ECM2: variants seen among roughly 807,000 people sequenced by gnomAD.
The protein encoded by ECM2 is extracellular matrix protein 2, female organ and adipocyte specific.
ECM2 carries 57 observed loss-of-function variants against 67.5 expected under a neutral mutation model. The ratio of observed to expected loss-of-function variants is 0.84; its 90% CI spans 0.68 to 1.05. The LOEUF is 1.05. Among genes scored for constraint, ECM2 ranks in the 50% least tolerant of loss-of-function variants. The pLI, the probability that ECM2 is intolerant of heterozygous loss-of-function variation, is 0.00. For missense variants in ECM2, 741 were observed against 822.8 expected, an observed-to-expected ratio of 0.90 and a Z score of 1.22; for synonymous variants, 258 against 294.5, an observed-to-expected ratio of 0.88 and a Z score of 1.27.
the ECM2 span, among the ~76,000 whole-genome samples, chr9:92,556,607 CT>C: frequency 6.6e-6 from 1 of 152,222 alleles, no homozygotes; most frequent in African/African-American, 2.4e-5. Flanking sequence ...TCTCTTTTAA[CT>C]GCTATTGCTT....
rs752163626 is a variant in ECM2 at position 92,517,850 on chromosome 9, C to G, written c.318G>C (p.Lys106Asn). The G allele has an allele frequency of 6.2e-7, 1 of 1,614,160 alleles. No homozygotes were observed. The highest frequency in any genetic ancestry group is 1.1e-5 in the South Asian group (1 of 91,066). Reference protein sequence around the residue: ...LPGKKGHCLVKGITMYNKAVW... With the variant: ...LPGKKGHCLVNGITMYNKAVW... Reference sequence around the variant, plus strand: ...CAGCTTTGTTGTACATGGTTATGCCCTTTACCAAACAGTGTCCCTTCTTTC... The same window carrying G: ...CAGCTTTGTTGTACATGGTTATGCCGTTTACCAAACAGTGTCCCTTCTTTC... Residue 106 changes from lysine (K) to asparagine (N), a missense_variant, in exon 3 of 10, where the codon AAG becomes AAC. Lys to Asn is a moderately conservative substitution (Grantham distance 94). Transcript: ENST00000344604.
chr9:92,533,323 AAAAAAAT>A (rs1848949341), intron 1 of ECM2, among the ~76,000 whole-genome samples: 3 of 99,096 alleles, frequency 3.0e-5, no homozygotes, highest in South Asian at 3.6e-4. Context: ...AAAAAAAAAA[AAAAAAAT>A]ATATATATAT....
At chr9:92,558,975 C>T in the ECM2 span, among the ~76,000 whole-genome samples, 1 of 152,000 alleles carries the variant, frequency 6.6e-6, no homozygotes, top group Non-Finnish European at 1.5e-5. Flanking sequence ...AAGGGCAGTT[C>T]CCCCGCCACC....
chr9:92,500,652 A>G, intron 9 of ECM2, 75 bp downstream of exon 9: 2 of 1,422,414 alleles, frequency 1.4e-6, no homozygotes, highest in African/African-American at 2.9e-5. Flanking sequence ...AATCCCAGAG[A>G]TCATGTCATG....
chr9:92,516,087 G>A (rs925012726), intron 3 of ECM2, among the ~76,000 whole-genome samples: 3 of 144,510 alleles, frequency 2.1e-5, no homozygotes, highest in Non-Finnish European at 4.6e-5. Flanking sequence ...CCCCCGAGAC[G>A]GAGTCTTGCT....
At chr9:92,517,917 T>C in intron 2 of ECM2, 42 bp from the exon 3 acceptor site, 4 of 1,609,986 alleles carry the variant, frequency 2.5e-6, no homozygotes, top group Non-Finnish European at 3.4e-6. Context: ...TCTTATGTGA[T>C]TATCAGTAAC....
the ECM2 span, among the ~76,000 whole-genome samples, chr9:92,559,064 C>A: frequency 6.6e-6 from 1 of 152,160 alleles, no homozygotes; most frequent in Non-Finnish European, 1.5e-5. Flanking sequence ...CTCCCAGCTG[C>A]CAAAGAAAAG....
intron 1 of ECM2, among the ~76,000 whole-genome samples, chr9:92,533,341 A>ATG (rs1326980048): frequency 3.2e-5 from 4 of 125,040 alleles, no homozygotes; most frequent in African/African-American, 1.2e-4. Flanking sequence ...ATATATATAT[A>ATG]TATATATATA....
chr9:92,515,159 C>A lies in ECM2; in HGVS notation c.526G>T (p.Glu176Ter), dbSNP rs964965019. The change falls in exon 4 of 10, where the codon GAA becomes TAA. Residue 176 changes from glutamate (E) to a stop codon, truncating the protein, a stop_gained. Transcript: ENST00000344604. LOFTEE classifies it high-confidence loss of function. ...LSGIALNDRN[E>*]FSGDSSEQRE... ...TGTTCTGAAGAATCACCAGAAAATT[C>A]ATTTCTATCATTTAATGCTATACCA... is the stretch of plus-strand genomic sequence containing the variant. The A allele has an allele frequency of 2.5e-6, 4 of 1,608,650 alleles. No homozygotes were observed. Among genetic ancestry groups the A allele is most frequent in the Non-Finnish European group, 2.5e-6 (3 of 1,178,282 alleles).
chr9:92,537,365 A>T (rs777870591), upstream of ECM2, among the ~76,000 whole-genome samples: 36 of 152,300 alleles, frequency 2.4e-4, no homozygotes, highest in Non-Finnish European at 2.5e-4. Context: ...ATCTATTTTT[A>T]AAAATGTAAA....
chr9:92,524,884 GA>G (rs1848298624), intron 1 of ECM2, among the ~76,000 whole-genome samples: 1 of 152,132 alleles, frequency 6.6e-6, no homozygotes, highest in Non-Finnish European at 1.5e-5. Context: ...TCTATGATAG[GA>G]AGGAATGGTA....
upstream of ECM2, among the ~76,000 whole-genome samples, chr9:92,538,448 A>C (rs549372858): frequency 6.6e-6 from 1 of 152,340 alleles, no homozygotes; most frequent in South Asian, 2.1e-4. Context: ...TATTTTTATC[A>C]TGTTTTGAGC....
intron 9 of ECM2, among the ~76,000 whole-genome samples, chr9:92,499,045 A>G (rs927865): frequency 0.4 from 61,095 of 152,044 alleles, 14,296 homozygotes; most frequent in African/African-American, 0.64. Flanking sequence ...AAAGAGGCCA[A>G]GCTCTTTGGA....
intron 2 of ECM2, among the ~76,000 whole-genome samples, chr9:92,520,063 C>CTTCTTTTTTTTTTTTTTTTTTTTTTT (rs1554680817): frequency 7.5e-6 from 1 of 132,776 alleles, no homozygotes. Flanking sequence ...GGGAAGATTT[C>CTTCTTTTTTTTTTTTTTTTTTTTTTT]TTGAGGCCAG....
intron 1 of ECM2, among the ~76,000 whole-genome samples, chr9:92,528,357 C>T (rs1345680775): frequency 6.6e-6 from 1 of 152,004 alleles, no homozygotes; most frequent in African/African-American, 2.4e-5. Flanking sequence ...TGAAAAGATA[C>T]AGCTGGAAAT....
At chr9:92,545,838 C>G in the ECM2 span, among the ~76,000 whole-genome samples, 2 of 152,220 alleles carry the variant, frequency 1.3e-5, no homozygotes, top group East Asian at 3.9e-4. Context: ...CACACTGTGT[C>G]TAGCTCAAGG....
At chr9:92,524,584 A>G (rs565585370) in intron 1 of ECM2, among the ~76,000 whole-genome samples, 11 of 152,258 alleles carry the variant, frequency 7.2e-5, no homozygotes, top group African/African-American at 2.4e-4. Flanking sequence ...ATACTCACAT[A>G]CACACACCTA....
At chr9:92,516,416 C>T (rs1292505970) in intron 3 of ECM2, among the ~76,000 whole-genome samples, 1 of 152,062 alleles carries the variant, frequency 6.6e-6, no homozygotes, top group Non-Finnish European at 1.5e-5. Context: ...AATCATCTGC[C>T]TACTTTTATT....
upstream of ECM2, among the ~76,000 whole-genome samples, chr9:92,537,646 C>T (rs751343432): frequency 1.3e-5 from 2 of 151,658 alleles, no homozygotes; most frequent in Non-Finnish European, 2.9e-5. Flanking sequence ...GGCAACAGAG[C>T]GAGACTACAT....
Sources: gnomAD v4.1 joint callset for allele counts (sites outside exome capture counted in the v4.1 genomes callset) on GRCh38, gnomAD v4.1.1 for gene constraint, MANE v1.5 for transcripts, NCBI Gene and HGNC (gene_info 2026-07-23, HGNC 2026-07-21) for gene names.